Variants in FSD1L observed in about 807,000 individuals in gnomAD.
FSD1L encodes fibronectin type III and SPRY domain containing 1 like.
A neutral mutation model predicts 71.6 loss-of-function variants in FSD1L; 45 were observed. That is an observed-to-expected ratio of 0.63 (90% confidence interval 0.49 to 0.81). The LOEUF is 0.81. Among genes scored for constraint, FSD1L ranks in the 30% least tolerant of loss-of-function variants. FSD1L has a pLI of 0.00. For missense variants in FSD1L, 561 were observed against 618.1 expected, an observed-to-expected ratio of 0.91 and a Z score of 0.98; for synonymous variants, 197 against 207.2, an observed-to-expected ratio of 0.95 and a Z score of 0.42.
At chr9:105,457,122 A>G (rs1451233717) in intron 1 of FSD1L, among the ~76,000 whole-genome samples, 2 of 152,204 alleles carry the variant, frequency 1.3e-5, no homozygotes, top group Admixed American at 6.5e-5. Flanking sequence ...GGCTCATTCT[A>G]TAAGTACATT....
Position 105,547,929 on chromosome 9 carries a change from T to C in FSD1L, c.*1446T>C, listed in dbSNP as rs1343570886. The C allele has an allele frequency of 6.6e-6, 1 of 152,088 alleles. No homozygotes were observed. Among genetic ancestry groups the C allele is most frequent in the Non-Finnish European group, 1.5e-5 (1 of 67,964 alleles). 9.4% of individuals were successfully genotyped at this position (152,088 alleles called of 1,614,324 possible). On this transcript the variant is annotated 3_prime_UTR_variant, in exon 14 of 14. Transcript: ENST00000481272. Reference sequence around the variant, plus strand: ...CTTCCAAGGAGTGACCATTACTGCCTACATTTGCGTTGCTTTCTACATAGA... The same window carrying C: ...CTTCCAAGGAGTGACCATTACTGCCCACATTTGCGTTGCTTTCTACATAGA...
intron 1 of FSD1L, among the ~76,000 whole-genome samples, chr9:105,457,619 C>T (rs1426144367): frequency 1.3e-5 from 2 of 152,218 alleles, no homozygotes; most frequent in African/African-American, 4.8e-5. Context: ...AGCTAGAAAC[C>T]TCTGTAGCTG....
intron 9 of FSD1L, among the ~76,000 whole-genome samples, chr9:105,509,035 T>C (rs1428794648): frequency 2.0e-5 from 3 of 152,234 alleles, no homozygotes; most frequent in Non-Finnish European, 2.9e-5. Flanking sequence ...AGTTTTCCCA[T>C]AGAATGGATT....
At chr9:105,452,130 GT>G (rs1223313503) in intron 1 of FSD1L, among the ~76,000 whole-genome samples, 1 of 108,310 alleles carries the variant, frequency 9.2e-6, no homozygotes, top group Non-Finnish European at 2.1e-5. Context: ...CCTGCAACAA[GT>G]AGCAGATCTA....
chr9:105,531,796 C>T (rs1242837325), intron 10 of FSD1L, among the ~76,000 whole-genome samples: 2 of 152,132 alleles, frequency 1.3e-5, no homozygotes, highest in African/African-American at 4.8e-5. Flanking sequence ...TAACTGTCAA[C>T]CACAGGAAGT....
upstream of FSD1L, among the ~76,000 whole-genome samples, chr9:105,447,478 C>G (rs1339421561): frequency 6.6e-6 from 1 of 152,068 alleles, no homozygotes; most frequent in Non-Finnish European, 1.5e-5. Flanking sequence ...CTGACTTGCT[C>G]AAAATCATAC....
intron 10 of FSD1L, among the ~76,000 whole-genome samples, chr9:105,530,044 G>A (rs1196802518): frequency 6.6e-6 from 1 of 152,220 alleles, no homozygotes; most frequent in African/African-American, 2.4e-5. Context: ...GAGTTAGAAG[G>A]CTAGAAAGGC....
In FSD1L at chr9:105,481,775, G is replaced by A. The variant is rs949440780; in HGVS notation, c.464+2399G>A. On this transcript the variant is annotated intron_variant, in intron 6 of 13. Coordinates refer to ENST00000481272, the MANE Select transcript of FSD1L (RefSeq NM_001145313.3). ...AGCTATTTTCACCAAGCAAAGAAAG[G>A]ATTTTTTTTTTTTTTGGGTCAGGGT... Among the ~76,000 whole-genome samples, 6 of 151,052 alleles carry A rather than the reference G, an allele frequency of 4.0e-5. No individual in the cohort carries two copies. In the South Asian group the frequency reaches 8.4e-4, roughly 21 times the overall value.
At chr9:105,455,584 GGT>G (rs1194115703) in intron 1 of FSD1L, among the ~76,000 whole-genome samples, 1 of 152,132 alleles carries the variant, frequency 6.6e-6, no homozygotes, top group Non-Finnish European at 1.5e-5. Flanking sequence ...GGCAGCCTAG[GGT>G]ACAGGCTCTG....
intron 7 of FSD1L, among the ~76,000 whole-genome samples, chr9:105,487,363 A>G (rs932945979): frequency 4.0e-5 from 6 of 151,586 alleles, no homozygotes; most frequent in Non-Finnish European, 5.9e-5. Flanking sequence ...TTCACAGTTT[A>G]TATGTACTGG....
intron 10 of FSD1L, among the ~76,000 whole-genome samples, chr9:105,515,302 T>A (rs1834643903): frequency 1.3e-5 from 2 of 152,150 alleles, no homozygotes; most frequent in East Asian, 1.9e-4. Flanking sequence ...GCTGGAAGTT[T>A]GTGGCTAATG....
chr9:105,542,675 C>CA (rs939706655), intron 13 of FSD1L, among the ~76,000 whole-genome samples: 21 of 152,142 alleles, frequency 1.4e-4, no homozygotes, highest in African/African-American at 4.3e-4. Context: ...AGGCTGGTCT[C>CA]AAAGTCCTGG....
At chr9:105,521,647 T>C (rs1181414780) in intron 10 of FSD1L, 4 of 1,613,224 alleles carry the variant, frequency 2.5e-6, no homozygotes, top group Admixed American at 3.3e-5. Flanking sequence ...CTCCCTTGCA[T>C]TGAAAATGTC....
At chr9:105,492,641 T>C (rs1187929015) in intron 7 of FSD1L, among the ~76,000 whole-genome samples, 4 of 152,096 alleles carry the variant, frequency 2.6e-5, no homozygotes, top group South Asian at 4.1e-4. Flanking sequence ...GCATTTAGTG[T>C]TATAAATTTC....
chr9:105,527,714 AAAAG>A lies in FSD1L; in HGVS notation c.1026-6775_1026-6772del, dbSNP rs534916403. The stretch of plus-strand genomic sequence containing the variant: ...ATAAAAATATTCTTATCAAAAAAAA[AAAAG>A]AAAAGAAAACCAGCACAAGACAAGG... On this transcript the variant is annotated intron_variant, in intron 10 of 13. Transcript: ENST00000481272. 8.6e-4 allele frequency among the ~76,000 whole-genome samples: 130 copies of A among 151,870 alleles called. 1 individual carries two copies. Among genetic ancestry groups the A allele is most frequent in the African/African-American group, 3.0e-3 (126 of 41,354 alleles).
chr9:105,494,551 C>T (rs976072460), intron 7 of FSD1L, among the ~76,000 whole-genome samples: 28 of 152,324 alleles, frequency 1.8e-4, no homozygotes, highest in African/African-American at 6.5e-4. Flanking sequence ...TGAGGAGCTG[C>T]GTTCCTTTGG....
At chr9:105,511,140 T>G (rs759111718) in intron 9 of FSD1L, among the ~76,000 whole-genome samples, 2 of 151,994 alleles carry the variant, frequency 1.3e-5, no homozygotes, top group Non-Finnish European at 2.9e-5. Flanking sequence ...TTTGTTTGGA[T>G]GCTGCAGTAT....
chr9:105,474,222 C>A (rs959438616), intron 5 of FSD1L, among the ~76,000 whole-genome samples: 7 of 152,060 alleles, frequency 4.6e-5, no homozygotes, highest in Admixed American at 4.6e-4. Context: ...TGTACTGAAT[C>A]CTGTAGGCAA....
the FSD1L span, among the ~76,000 whole-genome samples, chr9:105,442,482 C>T: frequency 1.3e-5 from 2 of 151,302 alleles, no homozygotes; most frequent in South Asian, 4.2e-4. Context: ...AGTTTCAGAC[C>T]AGCCTGGACA....
Sources: allele counts gnomAD v4.1 joint callset (sites outside exome capture counted in the v4.1 genomes callset), GRCh38; gene constraint gnomAD v4.1.1; transcripts MANE v1.5; gene names NCBI Gene and HGNC (gene_info 2026-07-23, HGNC 2026-07-21).